Variants in GALNT17 observed in about 807,000 individuals in gnomAD.
GALNT17 encodes the protein polypeptide N-acetylgalactosaminyltransferase 17.
Under a neutral mutation model 63.7 loss-of-function variants are expected in GALNT17, and 29 were observed. That is an observed-to-expected ratio of 0.46 (90% CI 0.34 to 0.62). The LOEUF is 0.62. GALNT17 is among the 20% of genes least tolerant of loss of function. The pLI is 0.01. For synonymous variants in GALNT17, 305 were observed against 318.3 expected (o/e 0.96, Z 0.45); for missense variants, 603 against 799.6 (o/e 0.75, Z 2.97).
chr7:71,228,096 G>C (rs917030364), intron 1 of GALNT17, among the ~76,000 whole-genome samples: 2 of 152,126 alleles, frequency 1.3e-5, no homozygotes, highest in African/African-American at 4.8e-5. Context: ...TAATGAGGAG[G>C]GACTTGCTTG....
intron 1 of GALNT17, among the ~76,000 whole-genome samples, chr7:71,225,116 A>G (rs1313360318): frequency 6.6e-6 from 1 of 152,066 alleles, no homozygotes; most frequent in East Asian, 1.9e-4. Context: ...CTACAGGTGC[A>G]TGCCACCACA....
At chr7:71,195,097 T>C (rs1789023416) in intron 1 of GALNT17, among the ~76,000 whole-genome samples, 1 of 152,220 alleles carries the variant, frequency 6.6e-6, no homozygotes, top group African/African-American at 2.4e-5. Context: ...CTGATAACTT[T>C]ACAGACATTA....
intron 6 of GALNT17, among the ~76,000 whole-genome samples, chr7:71,663,350 C>A (rs911893828): frequency 6.6e-6 from 1 of 152,172 alleles, no homozygotes; most frequent in Non-Finnish European, 1.5e-5. Context: ...CATTCATTCA[C>A]TGAGTCTTGC....
At chr7:71,647,400 T>G (rs1279666395) in intron 6 of GALNT17, among the ~76,000 whole-genome samples, 1 of 151,996 alleles carries the variant, frequency 6.6e-6, no homozygotes, top group Non-Finnish European at 1.5e-5. Flanking sequence ...ACGACAGGGA[T>G]GGGGAGACAA....
intron 3 of GALNT17, among the ~76,000 whole-genome samples, chr7:71,398,328 GCT>G (rs1025831185): frequency 7.9e-5 from 12 of 151,576 alleles, no homozygotes; most frequent in East Asian, 5.8e-4. Flanking sequence ...TGATATTTTT[GCT>G]CTGTTTTCTT....
At chr7:71,630,962 T>A (rs1790445623) in intron 6 of GALNT17, among the ~76,000 whole-genome samples, 1 of 152,242 alleles carries the variant, frequency 6.6e-6, no homozygotes, top group African/African-American at 2.4e-5. Context: ...ATTCATTCAG[T>A]TGTTCAATGA....
At chr7:71,193,232 G>A (rs1479712309) in intron 1 of GALNT17, among the ~76,000 whole-genome samples, 3 of 151,888 alleles carry the variant, frequency 2.0e-5, no homozygotes, top group Non-Finnish European at 4.4e-5. Flanking sequence ...CTGAGCATCT[G>A]GGACTACAGG....
intron 3 of GALNT17, among the ~76,000 whole-genome samples, chr7:71,402,594 T>G (rs1793259458): frequency 6.6e-6 from 1 of 152,212 alleles, no homozygotes; most frequent in Admixed American, 6.5e-5. Flanking sequence ...TGGACAGTTG[T>G]ACATCTTGTC....
At chr7:71,396,151 G>A (rs1793136709) in intron 3 of GALNT17, among the ~76,000 whole-genome samples, 1 of 151,982 alleles carries the variant, frequency 6.6e-6, no homozygotes, top group Non-Finnish European at 1.5e-5. Context: ...TCCTTTGGGT[G>A]CTTGAGCTTT....
chr7:71,159,002 C>G (rs561286755), intron 1 of GALNT17, among the ~76,000 whole-genome samples: 1 of 151,934 alleles, frequency 6.6e-6, no homozygotes, highest in Admixed American at 6.5e-5. Context: ...TGCTCCTCGT[C>G]TGGTGTTTCC....
chr7:71,273,854 TGAGAGAGAGAGA>T (rs541301580), intron 1 of GALNT17, among the ~76,000 whole-genome samples: 2 of 151,360 alleles, frequency 1.3e-5, no homozygotes, highest in Admixed American at 1.3e-4. Context: ...TGTGTGTGTG[TGAGAGAGAGAGA>T]GAGAGAGAGA....
At chr7:71,436,207 G>T (rs1337773621) in intron 5 of GALNT17, among the ~76,000 whole-genome samples, 1 of 152,044 alleles carries the variant, frequency 6.6e-6, no homozygotes, top group African/African-American at 2.4e-5. Context: ...CCACCGGGTG[G>T]TTACATGGCT....
At chr7:71,136,675 G>A (rs1787789782) in intron 1 of GALNT17, among the ~76,000 whole-genome samples, 1 of 152,020 alleles carries the variant, frequency 6.6e-6, no homozygotes. Flanking sequence ...AGTAGAGACG[G>A]GTTTTCGCCA....
chr7:71,432,728 G>C (rs1786890363), intron 5 of GALNT17, among the ~76,000 whole-genome samples: 2 of 152,192 alleles, frequency 1.3e-5, no homozygotes, highest in African/African-American at 4.8e-5. Context: ...AGCACTTTGG[G>C]AGGCCAAGGC....
At chr7:71,298,211 G>A (rs1187055432) in intron 1 of GALNT17, among the ~76,000 whole-genome samples, 1 of 151,826 alleles carries the variant, frequency 6.6e-6, no homozygotes, top group African/African-American at 2.4e-5. Flanking sequence ...AGTAGAGATG[G>A]GGTTCATCAT....
intron 2 of GALNT17, among the ~76,000 whole-genome samples, chr7:71,350,107 TA>T (rs1792164585): frequency 1.3e-5 from 2 of 152,172 alleles, no homozygotes. Context: ...GTGGCATGGA[TA>T]AAATTGATGG....
In GALNT17 at chr7:71,465,764, G is replaced by A. The variant is rs114434482; in HGVS notation, c.962+44659G>A. 7.9e-3 allele frequency among the ~76,000 whole-genome samples: 1,198 copies of A among 152,280 alleles called. 9 individuals are homozygous for A. The highest frequency in any genetic ancestry group is 0.024 in the African/African-American group (1,012 of 41,550). ...AGAGCCAATCCACCAACGAGGTTCC[G>A]AAGCTTATATACTGTCTTGAGGTTA... is the stretch of plus-strand genomic sequence containing the variant. On this transcript the variant is annotated intron_variant, in intron 5 of 10. Coordinates refer to ENST00000333538, the MANE Select transcript of GALNT17 (RefSeq NM_022479.3).
chr7:71,449,506 T>C (rs1462367357), intron 5 of GALNT17, among the ~76,000 whole-genome samples: 1 of 152,208 alleles, frequency 6.6e-6, no homozygotes, highest in Non-Finnish European at 1.5e-5. Flanking sequence ...CAGAGCAATG[T>C]TGAGTATTAA....
intron 5 of GALNT17, among the ~76,000 whole-genome samples, chr7:71,456,989 A>G (rs976026517): frequency 1.3e-5 from 2 of 152,168 alleles, no homozygotes; most frequent in African/African-American, 4.8e-5. Context: ...AGAAGGTTGA[A>G]TTCTTTTGAG....
Sources: gnomAD v4.1 joint callset for allele counts (sites outside exome capture counted in the v4.1 genomes callset) on GRCh38, gnomAD v4.1.1 for gene constraint, MANE v1.5 for transcripts, NCBI Gene and HGNC (gene_info 2026-07-23, HGNC 2026-07-21) for gene names.